Variants in MAST2 observed in about 807,000 individuals in gnomAD.
MAST2 encodes the protein microtubule-associated serine/threonine-protein kinase 2.
In MAST2, 70 loss-of-function variants were observed where a neutral mutation model predicts 147.4. The observed-to-expected ratio is 0.47, with a 90% CI of 0.39 to 0.58. The LOEUF is 0.58. Ranked by LOEUF, MAST2 falls within the 20% of genes least tolerant of loss-of-function variation. The probability of loss-of-function intolerance (pLI) is 0.00; values close to 1 mark genes in which losing one functional copy is unlikely to be tolerated. For synonymous variants in MAST2, 869 were observed against 896.8 expected (o/e 0.97, Z 0.55); for missense variants, 2,080 against 2,302.3 (o/e 0.90, Z 1.98).
At chr1:45,917,432 T>A in intron 4 of MAST2, 5 of 1,366,602 alleles carry the variant, frequency 3.7e-6, no homozygotes, top group Non-Finnish European at 4.9e-6. Flanking sequence ...TCCCATTTAG[T>A]GCTGATTGTG....
chr1:45,829,608 G>A, intron 3 of MAST2, 27 bp downstream of exon 3: 2 of 1,594,102 alleles, frequency 1.3e-6, no homozygotes, highest in South Asian at 2.3e-5. Context: ...GTGGCATTTT[G>A]CTCTATGAAA....
chr1:45,828,032 T>G (rs1644845527), intron 2 of MAST2, among the ~76,000 whole-genome samples: 1 of 152,086 alleles, frequency 6.6e-6, no homozygotes, highest in Non-Finnish European at 1.5e-5. Context: ...GGTCTTGCTA[T>G]GTAGCGGAGG....
At chr1:45,957,925 T>C (rs923165658) in intron 4 of MAST2, among the ~76,000 whole-genome samples, 2 of 152,294 alleles carry the variant, frequency 1.3e-5, no homozygotes, top group South Asian at 2.1e-4. Flanking sequence ...AGGACTTTGG[T>C]GTCCTTGGGA....
chr1:45,977,643 CA>C (rs1260596081), intron 5 of MAST2, among the ~76,000 whole-genome samples: 1 of 151,190 alleles, frequency 6.6e-6, no homozygotes, highest in Non-Finnish European at 1.5e-5. Flanking sequence ...ACTAAAAGTA[CA>C]AAAAAATTAG....
rs1646694137 is a variant in MAST2 at position 46,032,117 on chromosome 1, C to A, written c.3188-61C>A. 4.6e-6 allele frequency: 6 copies of A among 1,292,102 alleles called. No individual in the cohort carries two copies. In the South Asian group the frequency reaches 7.2e-5, roughly 15 times the overall value. The allele number at this position is 1,292,102 out of a possible 1,614,324, so 80.0% of individuals were successfully genotyped here. A position where few individuals can be genotyped will look rare whatever the true frequency, so the allele number is the denominator to read the frequency against. On this transcript the variant is annotated intron_variant, in intron 24 of 28. Coordinates refer to ENST00000361297, the MANE Select transcript of MAST2 (RefSeq NM_015112.3). ...CTAGAGTTGTGCTGACATCAACAGA[C>A]TGGACCAGGGGCCAGGCCAAAGCCC...
intron 3 of MAST2, among the ~76,000 whole-genome samples, chr1:45,879,310 C>T (rs981004018): frequency 1.3e-5 from 2 of 152,088 alleles, no homozygotes; most frequent in Admixed American, 6.6e-5. Flanking sequence ...TGGTGGCTCA[C>T]GCCTGTAATC....
chr1:45,956,015 C>T (rs1557960579), intron 4 of MAST2, among the ~76,000 whole-genome samples: 2 of 152,056 alleles, frequency 1.3e-5, no homozygotes, highest in African/African-American at 4.8e-5. Context: ...ATCTATAATC[C>T]ATTCCTTGCT....
intron 10 of MAST2, among the ~76,000 whole-genome samples, chr1:46,012,170 G>GAA (rs1255932807): frequency 1.3e-5 from 2 of 152,178 alleles, no homozygotes; most frequent in Non-Finnish European, 2.9e-5. Context: ...TCCAGCAATG[G>GAA]AAAGGGGTAC....
At chr1:46,025,530 C>T (rs1646371973) in intron 15 of MAST2, 147 bp from the exon 16 acceptor site, 1 of 907,936 alleles carries the variant, frequency 1.1e-6, no homozygotes, top group Non-Finnish European at 1.7e-6. Context: ...CCCATGCCAG[C>T]AGCAAAGGGG....
chr1:45,966,467 C>T (rs1030642470), intron 5 of MAST2, among the ~76,000 whole-genome samples: 3 of 151,258 alleles, frequency 2.0e-5, no homozygotes, highest in East Asian at 1.9e-4. Flanking sequence ...CGTGGTGGCT[C>T]ACGCCTGTAA....
chr1:45,960,112 A>G (rs1660205119), intron 5 of MAST2, among the ~76,000 whole-genome samples: 1 of 152,172 alleles, frequency 6.6e-6, no homozygotes, highest in Admixed American at 6.6e-5. Context: ...ACATACTGGA[A>G]TTAAAGCAAA....
At chr1:45,989,964 T>C (rs979373951) in intron 5 of MAST2, among the ~76,000 whole-genome samples, 4 of 152,276 alleles carry the variant, frequency 2.6e-5, no homozygotes, top group African/African-American at 9.6e-5. Flanking sequence ...TGCCACAGTA[T>C]GTTTATCCAT....
chr1:45,931,865 A>C (rs1655369471), intron 4 of MAST2, among the ~76,000 whole-genome samples: 1 of 151,696 alleles, frequency 6.6e-6, no homozygotes. Flanking sequence ...AGTTTTAAAA[A>C]ATTTTTTTAG....
intron 4 of MAST2, among the ~76,000 whole-genome samples, chr1:45,907,957 T>A (rs1651048225): frequency 6.6e-6 from 1 of 152,202 alleles, no homozygotes; most frequent in South Asian, 2.1e-4. Context: ...GTTCCTGCTA[T>A]TCTCTTATTA....
intron 3 of MAST2, among the ~76,000 whole-genome samples, chr1:45,870,470 T>G (rs1268363871): frequency 6.6e-6 from 1 of 151,174 alleles, no homozygotes; most frequent in Non-Finnish European, 1.5e-5. Flanking sequence ...TTTTTAAGAG[T>G]TTGTCCATTT....
chr1:45,947,695 C>T (rs547233675), intron 4 of MAST2, among the ~76,000 whole-genome samples: 1 of 152,320 alleles, frequency 6.6e-6, no homozygotes, highest in East Asian at 1.9e-4. Flanking sequence ...ATATGTAGAA[C>T]ACCTGATAGT....
intron 4 of MAST2, among the ~76,000 whole-genome samples, chr1:45,896,609 T>C (rs1319933740): frequency 4.6e-5 from 7 of 151,994 alleles, no homozygotes; most frequent in Non-Finnish European, 8.8e-5. Context: ...GTCAGAAAGG[T>C]TGGGGAACAT....
intron 1 of MAST2, among the ~76,000 whole-genome samples, chr1:45,821,552 G>A (rs1380641930): frequency 9.0e-6 from 1 of 111,526 alleles, no homozygotes; most frequent in African/African-American, 3.6e-5. Context: ...ACAGAGTCTC[G>A]TTCTGTTACC....
chr1:46,001,100 T>G (rs746183440), intron 6 of MAST2: 8 of 761,194 alleles, frequency 1.1e-5, no homozygotes, highest in Non-Finnish European at 1.4e-5. Context: ...ACTGTGGGTA[T>G]GAACATTGGG....
Sources: allele counts gnomAD v4.1 joint callset (sites outside exome capture counted in the v4.1 genomes callset), GRCh38; gene constraint gnomAD v4.1.1; transcripts MANE v1.5; gene names NCBI Gene and HGNC (gene_info 2026-07-23, HGNC 2026-07-21).